WDR12: variants seen among roughly 807,000 people sequenced by gnomAD.
WDR12 encodes the protein WD repeat domain 12.
Under a neutral mutation model 64.3 loss-of-function variants are expected in WDR12, and 42 were observed. That is an observed-to-expected ratio of 0.65 (90% confidence interval 0.51 to 0.84). The LOEUF (loss-of-function observed/expected upper bound fraction) is 0.84. Among genes scored for constraint, WDR12 ranks in the 40% least tolerant of loss-of-function variants. WDR12 has a pLI of 0.00. For missense variants in WDR12, 469 were observed against 494.6 expected (o/e 0.95, Z 0.49); for synonymous variants, 158 against 173.3 (o/e 0.91, Z 0.70).
chr2:202,885,203 C>T (rs139284115), intron 8 of WDR12, among the ~76,000 whole-genome samples: 2 of 152,278 alleles, frequency 1.3e-5, no homozygotes, highest in East Asian at 3.9e-4. Context: ...ACTCCATTTG[C>T]CCCTGGCAGC....
intron 4 of WDR12, among the ~76,000 whole-genome samples, chr2:202,897,908 A>ATAT (rs1553541972): frequency 2.0e-3 from 82 of 40,040 alleles, no homozygotes; most frequent in East Asian, 5.7e-3. Context: ...AAAAAAAAAA[A>ATAT]ATATATATAT....
intron 1 of WDR12, 26 bp downstream of exon 1, chr2:202,911,410 G>T (rs1406752824): frequency 1.2e-6 from 2 of 1,612,852 alleles, no homozygotes; most frequent in Non-Finnish European, 1.7e-6. Flanking sequence ...CTGGGGAAGG[G>T]AGAGAAGGCT....
chr2:202,904,161 A>G (rs1377204693), intron 2 of WDR12, among the ~76,000 whole-genome samples: 2 of 149,432 alleles, frequency 1.3e-5, no homozygotes, highest in African/African-American at 2.4e-5. Flanking sequence ...AAAAAAAAAA[A>G]AAAGAAAAGA....
rs368194370 is a variant in WDR12, at chr2:202,883,714, G to A, written c.1016C>T (p.Thr339Met). 5.6e-6 allele frequency: 9 copies of A among 1,613,950 alleles called. No individual in the cohort carries two copies. Among genetic ancestry groups the A allele is most frequent in the African/African-American group, 5.3e-5 (4 of 74,900 alleles). ...KDGSLVSLSLTSHTGWVTSVK... is the reference protein window; with the variant it reads ...KDGSLVSLSLMSHTGWVTSVK... ...TGATGTCACCCAACCAGTATGTGAC[G>A]TTAGGGACAGCGACACCAAAGAACC... Residue 339 changes from threonine to methionine, a missense_variant, in exon 11 of 13, where the codon ACG becomes ATG. Thr to Met is a moderately conservative substitution (Grantham distance 81, BLOSUM62 -1). Coordinates refer to ENST00000261015, the MANE Select transcript of WDR12 (RefSeq NM_018256.4).
At chr2:202,893,663 G>C (rs1027573561) in intron 7 of WDR12, among the ~76,000 whole-genome samples, 1 of 152,096 alleles carries the variant, frequency 6.6e-6, no homozygotes, top group Non-Finnish European at 1.5e-5. Context: ...AGTAACAGAG[G>C]TATTCTGATT....
intron 12 of WDR12, among the ~76,000 whole-genome samples, chr2:202,882,091 T>A (rs544404791): frequency 2.0e-4 from 31 of 151,986 alleles, no homozygotes; most frequent in African/African-American, 7.5e-4. Flanking sequence ...CCACCATGGA[T>A]AACTAATTTT....
intron 12 of WDR12, among the ~76,000 whole-genome samples, chr2:202,881,635 G>T (rs1687950343): frequency 3.3e-5 from 5 of 152,024 alleles, no homozygotes; most frequent in Admixed American, 2.6e-4. Flanking sequence ...TTAAAAATTT[G>T]CCAGATATGG....
chr2:202,874,644 T>C lies in WDR12; in HGVS notation c.*6216A>G, dbSNP rs932701485. 6 of 152,226 alleles carry C rather than the reference T, an allele frequency of 3.9e-5. No homozygotes were observed. Among genetic ancestry groups the C allele is most frequent in the African/African-American group, 1.4e-4 (6 of 41,454 alleles). 9.4% of individuals were successfully genotyped at this position (152,226 alleles called of 1,614,324 possible). On this transcript the variant is annotated 3_prime_UTR_variant, in exon 13 of 13. Coordinates refer to ENST00000261015, the MANE Select transcript of WDR12 (RefSeq NM_018256.4). ...CAAAAAGCTCTATTTCTTCAAGGCATTCCAGTTTCTTTGTAATCTGTTGGA... is the reference window on the plus strand; with the variant it reads ...CAAAAAGCTCTATTTCTTCAAGGCACTCCAGTTTCTTTGTAATCTGTTGGA...
At chr2:202,902,150 A>G (rs1411665742) in intron 2 of WDR12, among the ~76,000 whole-genome samples, 1 of 152,122 alleles carries the variant, frequency 6.6e-6, no homozygotes, top group African/African-American at 2.4e-5. Flanking sequence ...GTTTAGAAAA[A>G]TGTTACCCAA....
chr2:202,897,778 A>G (rs1574407872), intron 4 of WDR12, among the ~76,000 whole-genome samples: 1 of 148,158 alleles, frequency 6.7e-6, no homozygotes, highest in African/African-American at 2.5e-5. Context: ...AGTCTCAGCT[A>G]CTCAGGAGGC....
intron 8 of WDR12, among the ~76,000 whole-genome samples, chr2:202,889,845 G>A (rs1407570256): frequency 6.6e-6 from 1 of 151,966 alleles, no homozygotes; most frequent in African/African-American, 2.4e-5. Flanking sequence ...GAGCCCTGGA[G>A]GTTGAGGCTG....
intron 2 of WDR12, among the ~76,000 whole-genome samples, chr2:202,901,866 AC>A (rs964428501): frequency 2.0e-5 from 3 of 152,026 alleles, no homozygotes; most frequent in Non-Finnish European, 4.4e-5. Flanking sequence ...GTTTTTTTTG[AC>A]AAGAATATTC....
intron 4 of WDR12, 53 bp from the exon 5 acceptor site, chr2:202,897,468 G>A: frequency 2.0e-6 from 2 of 1,002,148 alleles, no homozygotes; most frequent in South Asian, 3.4e-5. Context: ...TCCAAACCCT[G>A]AAATGTTTCT....
chr2:202,908,315 C>T (rs1252190164), intron 1 of WDR12, among the ~76,000 whole-genome samples: 1 of 152,142 alleles, frequency 6.6e-6, no homozygotes, highest in Non-Finnish European at 1.5e-5. Context: ...ATTAGCCAGG[C>T]GTGGTGGCAT....
At chr2:202,904,138 C>CAAAAAAAAAAAAAAAAAAAAAAAAAAA (rs34378996) in intron 2 of WDR12, among the ~76,000 whole-genome samples, 3 of 38,532 alleles carry the variant, frequency 7.8e-5, no homozygotes, top group African/African-American at 1.4e-4. Flanking sequence ...AACTCTGTCT[C>CAAAAAAAAAAAAAAAAAAAAAAAAAAA]AAAAAAAAAA....
Position 202,883,610 on chromosome 2 carries a change from T to C in WDR12, c.1120A>G (p.Ser374Gly), listed in dbSNP as rs1398082907. Residue 374 changes from serine (S) to glycine (G), a missense_variant and splice_region_variant, in exon 11 of 13, where the codon AGT (serine) becomes GGT (glycine). By Grantham distance (56) the Ser-to-Gly change is moderately conservative. Transcript: ENST00000261015. ...DNIVKLWDTR[S>G]CKAPLYDLAA... The stretch of plus-strand genomic sequence containing the variant: ...TTATAGATCATAAATAGAATTTACC[T>C]TCTTGTATCCCACAGCTTAACAATG... 1 of 1,613,692 alleles carries C rather than the reference T, an allele frequency of 6.2e-7. No individual in the cohort carries two copies. Among genetic ancestry groups the C allele is most frequent in the Non-Finnish European group, 8.5e-7 (1 of 1,179,806 alleles).
intron 7 of WDR12, among the ~76,000 whole-genome samples, chr2:202,893,045 T>TA (rs1186750499): frequency 6.6e-6 from 1 of 152,120 alleles, no homozygotes; most frequent in African/African-American, 2.4e-5. Flanking sequence ...ACATTACATT[T>TA]ACATTATGAA....
At chr2:202,897,015 C>G (rs758961042) in intron 5 of WDR12, among the ~76,000 whole-genome samples, 3 of 151,488 alleles carry the variant, frequency 2.0e-5, no homozygotes, top group Non-Finnish European at 3.0e-5. Context: ...CAAAACAAAA[C>G]AAACAAACAA....
At chr2:202,910,599 C>T (rs72936849) in intron 1 of WDR12, among the ~76,000 whole-genome samples, 1 of 152,086 alleles carries the variant, frequency 6.6e-6, no homozygotes, top group African/African-American at 2.4e-5. Context: ...AACAAAAAAA[C>T]CTACTTTCAA....
Sources: allele counts gnomAD v4.1 joint callset (sites outside exome capture counted in the v4.1 genomes callset), GRCh38; gene constraint gnomAD v4.1.1; transcripts MANE v1.5; gene names NCBI Gene and HGNC (gene_info 2026-07-23, HGNC 2026-07-21).